Variants in SLC60A2 observed in about 807,000 individuals in gnomAD.
The protein encoded by SLC60A2 is major facilitator superfamily domain containing 4B.
At chr6:111,266,890 A>C in the SLC60A2 span, 2 of 1,613,942 alleles carry the variant, frequency 1.2e-6, no homozygotes, top group African/African-American at 2.7e-5. Flanking sequence ...GAGAATGAAG[A>C]GGAGGATGCA....
At chr6:111,275,414 T>G in the SLC60A2 span, among the ~76,000 whole-genome samples, 1 of 151,628 alleles carries the variant, frequency 6.6e-6, no homozygotes, top group Non-Finnish European at 1.5e-5. Flanking sequence ...AACAACTTTT[T>G]TTTTTTTTTT....
At chr6:111,263,739 C>A in the SLC60A2 span, 2 of 635,732 alleles carry the variant, frequency 3.1e-6, no homozygotes, top group Non-Finnish European at 5.6e-6. Flanking sequence ...TTAAATTTGA[C>A]CTGATTTTGC....
chr6:111,272,178 T>A, the SLC60A2 span, among the ~76,000 whole-genome samples: 1 of 152,082 alleles, frequency 6.6e-6, no homozygotes, highest in East Asian at 1.9e-4. Flanking sequence ...AATTTTTGTA[T>A]TTTTTGTAGA....
At chr6:111,259,849 T>G in the SLC60A2 span, 2 of 725,766 alleles carry the variant, frequency 2.8e-6, no homozygotes, top group Non-Finnish European at 4.3e-6. Context: ...ATCTAGAAAA[T>G]GGGCACAATT....
chr6:111,259,377 G>C, the SLC60A2 span: 1 of 358,250 alleles, frequency 2.8e-6, no homozygotes, highest in African/African-American at 2.1e-5. Flanking sequence ...CCTGCGGCGT[G>C]CCGAAGTTCC....
the SLC60A2 span, chr6:111,266,731 C>G: frequency 3.1e-5 from 50 of 1,614,188 alleles, no homozygotes; most frequent in African/African-American, 6.3e-4. Flanking sequence ...CTGTATACCT[C>G]TTTGGGAGCA....
the SLC60A2 span, among the ~76,000 whole-genome samples, chr6:111,263,418 C>T: frequency 3.4e-3 from 524 of 152,216 alleles, 8 homozygotes; most frequent in Non-Finnish European, 1.3e-3. Context: ...ATTTCCCAAA[C>T]TAATTTATTT....
At chr6:111,264,026 T>G in the SLC60A2 span, 1 of 704,180 alleles carries the variant, frequency 1.4e-6, no homozygotes, top group Non-Finnish European at 2.5e-6. Flanking sequence ...AACTGTCACT[T>G]GCAATGCCCC....
At chr6:111,270,949 TAGCC>T in the SLC60A2 span, 1 of 152,146 alleles carries the variant, frequency 6.6e-6, no homozygotes. Context: ...TATGCCCCAT[TAGCC>T]AGGCCAACAG....
chr6:111,271,775 T>TAAAAAAAAAAAA, the SLC60A2 span, among the ~76,000 whole-genome samples: 27 of 18,850 alleles, frequency 1.4e-3, 3 homozygotes, highest in Non-Finnish European at 1.8e-3. Flanking sequence ...CCATCTCTAC[T>TAAAAAAAAAAAA]AAAAAAAAAA....
At chr6:111,278,268 GT>G in the SLC60A2 span, 1 of 152,282 alleles carries the variant, frequency 6.6e-6, no homozygotes, top group Admixed American at 6.5e-5. Flanking sequence ...ATTCATAAAG[GT>G]TATGGCAAAT....
the SLC60A2 span, among the ~76,000 whole-genome samples, chr6:111,276,592 A>G: frequency 5.8e-4 from 89 of 152,328 alleles, no homozygotes; most frequent in South Asian, 9.7e-3. Flanking sequence ...GGCTTACTGC[A>G]TGTGAGGCTC....
chr6:111,276,304 G>A, the SLC60A2 span, among the ~76,000 whole-genome samples: 1 of 152,152 alleles, frequency 6.6e-6, no homozygotes, highest in Non-Finnish European at 1.5e-5. Context: ...GGAATTGCTG[G>A]ATCTTATGGT....
chr6:111,277,036 A>G, the SLC60A2 span, among the ~76,000 whole-genome samples: 5 of 152,218 alleles, frequency 3.3e-5, no homozygotes, highest in Non-Finnish European at 7.3e-5. Flanking sequence ...TGGTTAGCCT[A>G]TGAAGGGGTT....
the SLC60A2 span, chr6:111,259,719 C>A: frequency 6.3e-7 from 1 of 1,596,218 alleles, no homozygotes; most frequent in Non-Finnish European, 8.5e-7. Flanking sequence ...TGCCTCCTTC[C>A]TGGGGCTGGT....
chr6:111,264,519 G>T, the SLC60A2 span, among the ~76,000 whole-genome samples: 1 of 152,172 alleles, frequency 6.6e-6, no homozygotes, highest in African/African-American at 2.4e-5. Context: ...GCCGGGTGCG[G>T]TGGCTCACAC....
the SLC60A2 span, chr6:111,267,221 A>C: frequency 8.4e-7 from 1 of 1,189,596 alleles, no homozygotes; most frequent in Non-Finnish European, 1.2e-6. Context: ...TGGGGATTAA[A>C]ATTTTTAGGT....
the SLC60A2 span, chr6:111,270,646 C>T: frequency 3.2e-4 from 49 of 152,258 alleles, no homozygotes; most frequent in African/African-American, 1.1e-3. Flanking sequence ...TCAAGACCAT[C>T]CTGGCTAACA....
chr6:111,263,741 T>C, the SLC60A2 span: 1 of 654,708 alleles, frequency 1.5e-6, no homozygotes, highest in Non-Finnish European at 2.7e-6. Context: ...AAATTTGACC[T>C]GATTTTGCAT....
Sources: allele counts gnomAD v4.1 joint callset (sites outside exome capture counted in the v4.1 genomes callset), GRCh38; gene constraint gnomAD v4.1.1; transcripts MANE v1.5; gene names NCBI Gene and HGNC (gene_info 2026-07-23, HGNC 2026-07-21).